GRIN2B: variants seen among roughly 807,000 people sequenced by gnomAD.
GRIN2B encodes glutamate receptor ionotropic, NMDA 2B.
GRIN2B carries 5 observed loss-of-function variants against 114.5 expected under a neutral mutation model. That is an observed-to-expected ratio of 0.04 (90% CI 0.02 to 0.09). The LOEUF is 0.09. Ranked by LOEUF, GRIN2B falls within the 10% of genes least tolerant of loss-of-function variation. The pLI, the probability that GRIN2B is intolerant of heterozygous loss-of-function variation, is 1.00. For missense variants in GRIN2B, 1,108 were observed against 1,943.5 expected, an observed-to-expected ratio of 0.57 and a Z score of 8.08; for synonymous variants, 787 against 745.1, an observed-to-expected ratio of 1.06 and a Z score of -0.92.
At chr12:13,750,562 T>A (rs961460335) in intron 4 of GRIN2B, among the ~76,000 whole-genome samples, 8 of 152,236 alleles carry the variant, frequency 5.3e-5, no homozygotes, top group Admixed American at 5.2e-4. Context: ...CCTTCACTGT[T>A]AGCTTTGGTT....
At chr12:13,604,271 G>A (rs941917829) in intron 10 of GRIN2B, among the ~76,000 whole-genome samples, 2 of 152,212 alleles carry the variant, frequency 1.3e-5, no homozygotes, top group Admixed American at 6.5e-5. Context: ...TCACTGTAAT[G>A]TGCTACCGCA....
chr12:13,652,782 C>T (rs909122169), intron 5 of GRIN2B, among the ~76,000 whole-genome samples: 2 of 152,090 alleles, frequency 1.3e-5, no homozygotes, highest in African/African-American at 2.4e-5. Context: ...CTGAAGAAAG[C>T]TGCTCTAGAT....
chr12:13,809,310 T>C (rs1346708596), intron 3 of GRIN2B, among the ~76,000 whole-genome samples: 1 of 152,168 alleles, frequency 6.6e-6, no homozygotes, highest in Non-Finnish European at 1.5e-5. Flanking sequence ...GACCAGGAGG[T>C]TTAGTGGCCA....
rs544714375 is a variant in GRIN2B, at chr12:13,641,652, A to T, written c.1126-24995T>A. ...TAATGAGTATGCTGTTTCGGTAACAAAGTCATGGATGATCATCTTAACTAG... is the reference window on the plus strand; with the variant it reads ...TAATGAGTATGCTGTTTCGGTAACATAGTCATGGATGATCATCTTAACTAG... On this transcript the variant is annotated intron_variant, in intron 5 of 13. Transcript: ENST00000609686. 7.2e-5 allele frequency among the ~76,000 whole-genome samples: 11 copies of T among 152,226 alleles called. No individual in the cohort carries two copies. In the South Asian group the frequency reaches 2.3e-3, roughly 32 times the overall value.
At chr12:13,881,345 C>T (rs1228975773) in intron 2 of GRIN2B, among the ~76,000 whole-genome samples, 1 of 152,174 alleles carries the variant, frequency 6.6e-6, no homozygotes, top group Non-Finnish European at 1.5e-5. Flanking sequence ...TCCTTCGGCA[C>T]CTCTTCCTCT....
At chr12:13,786,492 C>A (rs935466976) in intron 3 of GRIN2B, among the ~76,000 whole-genome samples, 1 of 152,136 alleles carries the variant, frequency 6.6e-6, no homozygotes, top group Non-Finnish European at 1.5e-5. Context: ...AAGAACTGCA[C>A]GCCATTTTAA....
rs1231303422 is a variant in GRIN2B at position 13,712,470 on chromosome 12, C to T, written c.1011-36611G>A. ...GTGAAATAAATCAAAACAGTGGTCG[C>T]CTTTGTGTATAGATGTGTATTGGGA... On this transcript the variant is annotated intron_variant, in intron 4 of 13. Coordinates refer to ENST00000609686, the MANE Select transcript of GRIN2B (RefSeq NM_000834.5). 2.0e-5 allele frequency among the ~76,000 whole-genome samples: 3 copies of T among 151,474 alleles called. No individual in the cohort carries two copies. The East Asian group carries it at 5.8e-4, about 29-fold the overall frequency.
intron 2 of GRIN2B, among the ~76,000 whole-genome samples, chr12:13,944,473 C>T (rs2136839832): frequency 6.6e-6 from 1 of 152,328 alleles, no homozygotes; most frequent in Admixed American, 6.5e-5. Flanking sequence ...CCACCTCTTG[C>T]TCTGTAGCCA....
intron 3 of GRIN2B, among the ~76,000 whole-genome samples, chr12:13,796,082 TA>T (rs59852695): frequency 1.1e-4 from 15 of 141,198 alleles, no homozygotes; most frequent in African/African-American, 1.3e-4. Flanking sequence ...AAAGTATAAT[TA>T]AAAAAAAAAA....
chr12:13,723,729 T>C (rs973957613), intron 4 of GRIN2B, among the ~76,000 whole-genome samples: 19 of 152,056 alleles, frequency 1.2e-4, no homozygotes, highest in African/African-American at 4.3e-4. Flanking sequence ...TGGTAGAGGG[T>C]AACGTATTGG....
Position 13,547,981 on chromosome 12 carries a change from A to ATATATATTT in GRIN2B, c.*14801_*14802insAAATATATA. On this transcript the variant is annotated 3_prime_UTR_variant, in exon 14 of 14. Coordinates refer to ENST00000609686, the MANE Select transcript of GRIN2B (RefSeq NM_000834.5). ...TGTGTATATATATATATATATATAT[A>ATATATATTT]TTTTTTTTTTTTTTCTGAAAGCTAC... 9 of 68,594 alleles carry ATATATATTT rather than the reference A, an allele frequency of 1.3e-4. No individual in the cohort carries two copies. The highest frequency in any genetic ancestry group is 4.1e-4 in the African/African-American group (9 of 21,782). The allele number at this position is 68,594 out of a possible 1,614,324, so 4.2% of individuals were successfully genotyped here. A position where few individuals can be genotyped will look rare whatever the true frequency, so the allele number is the denominator to read the frequency against.
At position 13,868,035 on chromosome 12, in the gene GRIN2B, G is replaced by A. The variant is rs1040198039; in HGVS notation, c.-18-1809C>T. Among the ~76,000 whole-genome samples, 3 of 152,266 alleles carry A rather than the reference G, an allele frequency of 2.0e-5. No individual in the cohort carries two copies. In the South Asian group the frequency reaches 6.2e-4, roughly 32 times the overall value. Reference sequence around the variant, plus strand: ...GACTGCAAAGGGCATTAATGATTTGGGAGCAAGATGCTGGGGACATTTTGT... The same window carrying A: ...GACTGCAAAGGGCATTAATGATTTGAGAGCAAGATGCTGGGGACATTTTGT... On this transcript the variant is annotated intron_variant, in intron 2 of 13. Coordinates refer to ENST00000609686, the MANE Select transcript of GRIN2B (RefSeq NM_000834.5).
chr12:13,962,853 C>G (rs1867721549), intron 2 of GRIN2B, among the ~76,000 whole-genome samples: 1 of 152,194 alleles, frequency 6.6e-6, no homozygotes, highest in African/African-American at 2.4e-5. Flanking sequence ...GCCACCTCGT[C>G]GTCCGCTAGG....
chr12:13,583,504 CA>C (rs1948879288), intron 10 of GRIN2B, among the ~76,000 whole-genome samples: 1 of 152,104 alleles, frequency 6.6e-6, no homozygotes, highest in African/African-American at 2.4e-5. Context: ...GGGCTCTATG[CA>C]AATAGAATGG....
intron 5 of GRIN2B, among the ~76,000 whole-genome samples, chr12:13,670,877 C>T (rs1280895721): frequency 6.6e-6 from 1 of 152,106 alleles, no homozygotes; most frequent in African/African-American, 2.4e-5. Context: ...TTCTAGCCCC[C>T]TAAGCCTCCA....
intron 3 of GRIN2B, among the ~76,000 whole-genome samples, chr12:13,755,888 C>T (rs957551350): frequency 1.3e-5 from 2 of 152,220 alleles, no homozygotes; most frequent in Admixed American, 6.5e-5. Flanking sequence ...AGCTACCTTG[C>T]TCCTTCCACC....
At position 13,695,175 on chromosome 12, in the gene GRIN2B, G is replaced by T. The variant is rs553443344; in HGVS notation, c.1011-19316C>A. ...AAAATAAAGGAATTTGTATTTTGGG[G>T]TGTATCCTAACCATCATATAGAAAA... On this transcript the variant is annotated intron_variant, in intron 4 of 13. Transcript: ENST00000609686. Among the ~76,000 whole-genome samples the T allele has an allele frequency of 3.3e-5, 5 of 152,242 alleles. No individual in the cohort carries two copies. In the East Asian group the frequency reaches 9.7e-4, roughly 29 times the overall value.
chr12:13,578,794 A>G (rs545222345), intron 10 of GRIN2B, among the ~76,000 whole-genome samples: 114 of 152,332 alleles, frequency 7.5e-4, no homozygotes, highest in African/African-American at 2.3e-3. Flanking sequence ...GTAGGAGAAC[A>G]AGTTTAGACT....
In GRIN2B at chr12:13,902,680, C is replaced by T. The variant is rs1441860070; in HGVS notation, c.-18-36454G>A. On this transcript the variant is annotated intron_variant, in intron 2 of 13. Coordinates refer to ENST00000609686, the MANE Select transcript of GRIN2B (RefSeq NM_000834.5). ...ACAAAAATTAGCCAGGTGTGGTGGC[C>T]TGCGCCTGTAATCTCACCTACTCAG... 2.6e-5 allele frequency among the ~76,000 whole-genome samples: 4 copies of T among 152,144 alleles called. No individual in the cohort carries two copies. The East Asian group carries it at 7.8e-4, about 30-fold the overall frequency.
Sources: allele counts gnomAD v4.1 joint callset (sites outside exome capture counted in the v4.1 genomes callset), GRCh38; gene constraint gnomAD v4.1.1; transcripts MANE v1.5; gene names NCBI Gene and HGNC (gene_info 2026-07-23, HGNC 2026-07-21).